USP15: variants seen among roughly 807,000 people sequenced by gnomAD.
The protein encoded by USP15 is ubiquitin specific peptidase 15.
In USP15, 18 loss-of-function variants were observed where a neutral mutation model predicts 127.1. The observed-to-expected ratio is 0.14, with a 90% CI of 0.10 to 0.21. The LOEUF (loss-of-function observed/expected upper bound fraction) is 0.21. Among genes scored for constraint, USP15 ranks in the 10% least tolerant of loss-of-function variants. The probability of loss-of-function intolerance (pLI) is 1.00; values close to 1 mark genes in which losing one functional copy is unlikely to be tolerated. For missense variants in USP15, 805 were observed against 1,159.9 expected (o/e 0.69, Z 4.44); for synonymous variants, 364 against 393.7 (o/e 0.92, Z 0.89).
chr12:62,400,319 C>A (rs1327233355), intron 20 of USP15, among the ~76,000 whole-genome samples: 3 of 152,034 alleles, frequency 2.0e-5, no homozygotes, highest in Non-Finnish European at 2.9e-5. Context: ...TGTTCAAATT[C>A]CTTATGTAAA....
intron 8 of USP15, among the ~76,000 whole-genome samples, chr12:62,374,926 A>G (rs1323737215): frequency 6.6e-6 from 1 of 152,102 alleles, no homozygotes; most frequent in African/African-American, 2.4e-5. Context: ...GTTTTAGGAT[A>G]TTAGGTTAAG....
chr12:62,332,660 G>T (rs1186342273), intron 6 of USP15, among the ~76,000 whole-genome samples: 1 of 152,122 alleles, frequency 6.6e-6, no homozygotes, highest in African/African-American at 2.4e-5. Context: ...TTTTGAAGAG[G>T]TGATTTTTCT....
At chr12:62,319,521 T>C (rs1002629352) in intron 4 of USP15, among the ~76,000 whole-genome samples, 2 of 152,220 alleles carry the variant, frequency 1.3e-5, no homozygotes, top group African/African-American at 4.8e-5. Flanking sequence ...CACAGAAGTG[T>C]ATATAATCCT....
chr12:62,279,045 A>AT (rs2063574848), intron 1 of USP15: 1 of 152,122 alleles, frequency 6.6e-6, no homozygotes, highest in Non-Finnish European at 1.5e-5. Flanking sequence ...TGCCCTCTTA[A>AT]TTTTTTTCTG....
intron 6 of USP15, among the ~76,000 whole-genome samples, chr12:62,337,383 T>C (rs2065502420): frequency 6.6e-6 from 1 of 152,136 alleles, no homozygotes; most frequent in Non-Finnish European, 1.5e-5. Flanking sequence ...CTCACAATCA[T>C]GGTGGAAGGC....
chr12:62,278,261 T>G (rs1003153317), intron 1 of USP15, among the ~76,000 whole-genome samples: 4 of 152,162 alleles, frequency 2.6e-5, no homozygotes. Flanking sequence ...TATCAGTGCC[T>G]TCATCTGGAA....
At chr12:62,289,525 G>A (rs371783534) in intron 1 of USP15, among the ~76,000 whole-genome samples, 3 of 151,652 alleles carry the variant, frequency 2.0e-5, no homozygotes, top group African/African-American at 4.8e-5. Flanking sequence ...CAGTCTGTCC[G>A]TTTTGTTTCT....
At chr12:62,319,145 A>C (rs529336460) in intron 4 of USP15, among the ~76,000 whole-genome samples, 1 of 152,328 alleles carries the variant, frequency 6.6e-6, no homozygotes, top group South Asian at 2.1e-4. Context: ...GTGGAAGGCA[A>C]AGGGGAAGCA....
At chr12:62,301,441 C>A (rs2064317436) in intron 2 of USP15, among the ~76,000 whole-genome samples, 1 of 152,054 alleles carries the variant, frequency 6.6e-6, no homozygotes, top group Admixed American at 6.6e-5. Flanking sequence ...ACTCAAATGC[C>A]CATCAACACC....
intron 3 of USP15, among the ~76,000 whole-genome samples, chr12:62,308,951 A>G (rs905528518): frequency 1.8e-4 from 28 of 152,304 alleles, no homozygotes; most frequent in African/African-American, 6.7e-4. Context: ...TAATTAAAAT[A>G]CAACTTAAAA....
intron 3 of USP15, among the ~76,000 whole-genome samples, chr12:62,313,474 T>G (rs1043279377): frequency 3.3e-5 from 5 of 151,646 alleles, no homozygotes; most frequent in Non-Finnish European, 7.4e-5. Context: ...TACCAGTGAT[T>G]AGTAGCTACT....
intron 8 of USP15, among the ~76,000 whole-genome samples, chr12:62,361,628 G>A (rs2066319358): frequency 6.6e-6 from 1 of 151,702 alleles, no homozygotes. Context: ...TTATTTCAAG[G>A]ATTTTTTTTG....
chr12:62,287,834 T>G (rs1437987839), intron 1 of USP15, among the ~76,000 whole-genome samples: 1 of 152,196 alleles, frequency 6.6e-6, no homozygotes, highest in Non-Finnish European at 1.5e-5. Context: ...CCTGTACCAT[T>G]TATTGAATAG....
chr12:62,386,817 A>G (rs149372510), intron 11 of USP15, among the ~76,000 whole-genome samples: 493 of 152,280 alleles, frequency 3.2e-3, no homozygotes, highest in African/African-American at 0.01. Flanking sequence ...TAGCACAGAG[A>G]TCAGTTAGAA....
rs548582855 is a variant in USP15 at position 62,286,634 on chromosome 12, G to A, written c.90-7545G>A. 1.3e-4 allele frequency among the ~76,000 whole-genome samples: 20 copies of A among 152,214 alleles called. No individual in the cohort carries two copies. The South Asian group carries it at 4.2e-3, about 32-fold the overall frequency. ...CCCAGGTGCCCATCATTGATGGATT[G>A]GATAAAGAAAATGTGATACATGGCC... On this transcript the variant is annotated intron_variant, in intron 1 of 21. Transcript: ENST00000280377.
intron 1 of USP15, among the ~76,000 whole-genome samples, chr12:62,290,797 C>T (rs1037446283): frequency 6.6e-6 from 1 of 152,166 alleles, no homozygotes; most frequent in African/African-American, 2.4e-5. Flanking sequence ...TTTGTAGAGC[C>T]AGTCTAGTGA....
intron 2 of USP15, among the ~76,000 whole-genome samples, chr12:62,299,095 A>G (rs1205356833): frequency 6.6e-6 from 1 of 152,088 alleles, no homozygotes; most frequent in Non-Finnish European, 1.5e-5. Context: ...CATCTCATAT[A>G]AATGGAATCA....
At position 62,340,245 on chromosome 12, in the gene USP15, T is replaced by A. The variant is rs369003670; in HGVS notation, c.684-8976T>A. Among the ~76,000 whole-genome samples, 73 of 152,328 alleles carry A rather than the reference T, an allele frequency of 4.8e-4. No individual in the cohort carries two copies. The South Asian group carries it at 0.015, about 31-fold the overall frequency. ...TCAGTGGTGATATCCCCTTTATCAT[T>A]TTTATTGTGTCTATTTGATTCTTCT... On this transcript the variant is annotated intron_variant, in intron 6 of 21. Transcript: ENST00000280377.
chr12:62,273,186 C>G (rs1250122979), intron 1 of USP15, among the ~76,000 whole-genome samples: 1 of 151,974 alleles, frequency 6.6e-6, no homozygotes, highest in African/African-American at 2.4e-5. Flanking sequence ...GATACTTTTT[C>G]TTACCACTTT....
Sources: gnomAD v4.1 joint callset for allele counts (sites outside exome capture counted in the v4.1 genomes callset) on GRCh38, gnomAD v4.1.1 for gene constraint, MANE v1.5 for transcripts, NCBI Gene and HGNC (gene_info 2026-07-23, HGNC 2026-07-21) for gene names.